SPATA7: variants seen among roughly 807,000 people sequenced by gnomAD.
The protein encoded by SPATA7 is spermatogenesis associated 7, also known as spermatogenesis-associated protein 7.
A neutral mutation model predicts 51.8 loss-of-function variants in SPATA7; 43 were observed. That is an observed-to-expected ratio of 0.83 (90% CI 0.65 to 1.07). SPATA7 has a LOEUF of 1.07. SPATA7 is among the 50% of genes least tolerant of loss of function. The pLI is 0.00. For missense variants in SPATA7, 683 were observed against 701.3 expected (o/e 0.97, Z 0.30); for synonymous variants, 230 against 252.8 (o/e 0.91, Z 0.86).
chr14:88,398,624 TATA>T (rs1250139660), intron 4 of SPATA7, among the ~76,000 whole-genome samples: 2 of 98,162 alleles, frequency 2.0e-5, no homozygotes, highest in African/African-American at 7.1e-5. Flanking sequence ...AAACTTAAAG[TATA>T]ATAATAAAAT....
intron 3 of SPATA7, among the ~76,000 whole-genome samples, chr14:88,452,312 C>G (rs1156961355): frequency 6.6e-6 from 1 of 152,096 alleles, no homozygotes; most frequent in Non-Finnish European, 1.5e-5. Context: ...AGCACCTGCT[C>G]AAGTGGAGGT....
chr14:88,438,131 G>A lies in SPATA7; in HGVS notation c.1509G>A (p.Gly503=). The part of the protein sequence containing the change: ...MPIYKSKHSE[G]VIIQQVNDET... ...TTTATAAATCAAAGCATTCAGAAGG[G>A]GTTATAATTCAACAGGTGAATGATG... The change falls in exon 12 of 12, where the codon GGG becomes GGA. Residue 503 remains glycine, a synonymous_variant. Coordinates refer to ENST00000393545, the MANE Select transcript of SPATA7 (RefSeq NM_018418.5). The A allele has an allele frequency of 6.2e-7, 1 of 1,613,708 alleles. No homozygotes were observed. The highest frequency in any genetic ancestry group is 8.5e-7 in the Non-Finnish European group (1 of 1,179,828).
At chr14:88,392,726 C>T (rs1488234892) in intron 2 of SPATA7, among the ~76,000 whole-genome samples, 2 of 152,062 alleles carry the variant, frequency 1.3e-5, no homozygotes, top group Non-Finnish European at 2.9e-5. Flanking sequence ...TGTATTACTT[C>T]TCAAAAACTG....
At chr14:88,448,184 C>G (rs1275420411) in intron 3 of SPATA7, among the ~76,000 whole-genome samples, 1 of 151,928 alleles carries the variant, frequency 6.6e-6, no homozygotes, top group Non-Finnish European at 1.5e-5. Flanking sequence ...TTGCTCGTTT[C>G]TTTTTATTCT....
chr14:88,400,025 A>G (rs1566754685), intron 4 of SPATA7, among the ~76,000 whole-genome samples: 1 of 152,346 alleles, frequency 6.6e-6, no homozygotes, highest in East Asian at 1.9e-4. Flanking sequence ...ATTGAAGAAT[A>G]CGCACTCCTC....
intron 3 of SPATA7, among the ~76,000 whole-genome samples, chr14:88,394,710 G>A (rs1444413703): frequency 6.6e-6 from 1 of 152,098 alleles, no homozygotes; most frequent in Non-Finnish European, 1.5e-5. Context: ...TTAAGTATAA[G>A]TTTAATTTTA....
At chr14:88,422,961 C>T (rs2139984952) in intron 5 of SPATA7, among the ~76,000 whole-genome samples, 1 of 152,184 alleles carries the variant, frequency 6.6e-6, no homozygotes, top group African/African-American at 2.4e-5. Flanking sequence ...TGGCTTTAAC[C>T]TCTGAATGTA....
downstream of SPATA7, among the ~76,000 whole-genome samples, chr14:88,441,637 T>G (rs2077179386): frequency 6.6e-6 from 1 of 152,230 alleles, no homozygotes; most frequent in East Asian, 1.9e-4. Flanking sequence ...ATTGGCTATT[T>G]GTATATCTTC....
intron 5 of SPATA7, among the ~76,000 whole-genome samples, chr14:88,425,107 G>C (rs549529132): frequency 6.6e-6 from 1 of 152,154 alleles, no homozygotes; most frequent in Admixed American, 6.5e-5. Context: ...GCACCTCAGA[G>C]CAGTGTTTTT....
intron 4 of SPATA7, among the ~76,000 whole-genome samples, chr14:88,408,551 A>G (rs2076257434): frequency 1.3e-5 from 2 of 148,726 alleles, no homozygotes; most frequent in African/African-American, 5.2e-5. Flanking sequence ...TGTCATCTGC[A>G]AACAGAGACA....
At chr14:88,442,075 C>T (rs145910802), downstream of SPATA7, among the ~76,000 whole-genome samples, 1 of 152,294 alleles carries the variant, frequency 6.6e-6, no homozygotes, top group Non-Finnish European at 1.5e-5. Flanking sequence ...CCAATTGTCC[C>T]AGCACCATTT....
chr14:88,390,299 G>A (rs564493654), intron 1 of SPATA7, among the ~76,000 whole-genome samples: 36 of 151,940 alleles, frequency 2.4e-4, no homozygotes, highest in Non-Finnish European at 4.7e-4. Context: ...TCTAGGGAAG[G>A]AAGAGCTTCA....
In SPATA7 at chr14:88,451,526, CTTT is replaced by C. The variant is rs58581785; in HGVS notation, c.178-3522_178-3520del. Among the ~76,000 whole-genome samples the C allele has an allele frequency of 8.7e-3, 1,225 of 141,288 alleles. 17 individuals carry two copies. The highest frequency in any genetic ancestry group is 0.029 in the African/African-American group (1,138 of 39,138). The allele number at this position is 141,288 out of a possible 152,430, so 92.7% of individuals were successfully genotyped here. On this transcript the variant is annotated intron_variant, in intron 3 of 3. Transcript: ENST00000554802. ...AGATTTTTCCATTCATATCCTATAT[CTTT>C]TTTTTTTTTTTCTTTGAAAAGGAGT...
At chr14:88,459,441 T>C (rs1305479430), downstream of SPATA7, among the ~76,000 whole-genome samples, 1 of 152,252 alleles carries the variant, frequency 6.6e-6, no homozygotes, top group Non-Finnish European at 1.5e-5. Context: ...GATAATTAGC[T>C]CTTCTTGTTG....
At chr14:88,466,121 C>T (rs1595328675) in intron 4 of SPATA7, 2 of 151,988 alleles carry the variant, frequency 1.3e-5, no homozygotes, top group Non-Finnish European at 1.5e-5. Flanking sequence ...GAAAATAGTT[C>T]CAGTAAAAAG....
chr14:88,451,745 G>A (rs1347997280), intron 3 of SPATA7, among the ~76,000 whole-genome samples: 2 of 152,018 alleles, frequency 1.3e-5, no homozygotes, highest in African/African-American at 4.8e-5. Context: ...GGCTGGTCTC[G>A]AACTCCTGAC....
rs138401715 is a variant in SPATA7, at chr14:88,400,889, C to T, written c.238+4686C>T. ...CTTCCCAACAAAGAATAGCCCAGGA[C>T]CAGATATCTTCATAGGTAAATCTAC... On this transcript the variant is annotated intron_variant, in intron 4 of 11. Transcript: ENST00000393545. Among the ~76,000 whole-genome samples, 35 of 152,022 alleles carry T rather than the reference C, an allele frequency of 2.3e-4. No homozygotes were observed. The East Asian group carries it at 6.8e-3, about 29-fold the overall frequency.
At chr14:88,438,723 T>C (rs917868975), downstream of SPATA7, among the ~76,000 whole-genome samples, 107 of 152,198 alleles carry the variant, frequency 7.0e-4, no homozygotes, top group Non-Finnish European at 1.9e-4. Flanking sequence ...CTCCTTGCAG[T>C]TATAGATTTG....
At chr14:88,411,214 C>T (rs760806602) in intron 4 of SPATA7, among the ~76,000 whole-genome samples, 1 of 152,130 alleles carries the variant, frequency 6.6e-6, no homozygotes, top group Non-Finnish European at 1.5e-5. Flanking sequence ...GGTGGATGCC[C>T]CTCCCCCCAC....
Sources: allele counts gnomAD v4.1 joint callset (sites outside exome capture counted in the v4.1 genomes callset), GRCh38; gene constraint gnomAD v4.1.1; transcripts MANE v1.5; gene names NCBI Gene and HGNC (gene_info 2026-07-23, HGNC 2026-07-21).